CDAN1: variants seen among roughly 807,000 people sequenced by gnomAD.
CDAN1 encodes codanin-1.
In CDAN1, 107 loss-of-function variants were observed where a neutral mutation model predicts 139.8. The observed-to-expected ratio is 0.77, with a 90% CI of 0.65 to 0.90. The LOEUF is 0.90. Among genes scored for constraint, CDAN1 ranks in the 40% least tolerant of loss-of-function variants. The probability of loss-of-function intolerance (pLI) is 0.00; values close to 1 mark genes in which losing one functional copy is unlikely to be tolerated. For missense variants in CDAN1, 1,667 were observed against 1,575.7 expected (o/e 1.06, Z -0.98); for synonymous variants, 776 against 660.6 (o/e 1.17, Z -2.68).
chr15:42,730,212 G>C lies in CDAN1; in HGVS notation c.2178C>G (p.Ser726Arg). The C allele has an allele frequency of 6.2e-7, 1 of 1,613,906 alleles. No individual in the cohort carries two copies. The highest frequency in any genetic ancestry group is 8.5e-7 in the Non-Finnish European group (1 of 1,179,816). ...CCTCACTCTCCTGCGACAACACCAAGCTCCTGAAACATCAATGGGCAGTAC... is the reference window on the plus strand; with the variant it reads ...CCTCACTCTCCTGCGACAACACCAACCTCCTGAAACATCAATGGGCAGTAC... ...IFTLLLRLHR[S>R]LVLSQESEGK... is the part of the protein sequence containing the mutation. Residue 726 changes from serine (S) to arginine (R), a missense_variant, in exon 15 of 28, where the codon AGC becomes AGG. Physicochemically the swap from Ser to Arg is moderately radical, Grantham distance 110. Coordinates refer to ENST00000356231, the MANE Select transcript of CDAN1 (RefSeq NM_138477.4).
At position 42,727,938 on chromosome 15, in the gene CDAN1, C is replaced by A; in HGVS notation, c.2947+17G>T. 1 of 1,612,790 alleles carries A rather than the reference C, an allele frequency of 6.2e-7. No individual in the cohort carries two copies. Among genetic ancestry groups the A allele is most frequent in the Non-Finnish European group, 8.5e-7 (1 of 1,178,748 alleles). On this transcript the variant is annotated intron_variant, in intron 22 of 27. Coordinates refer to ENST00000356231, the MANE Select transcript of CDAN1 (RefSeq NM_138477.4). Reference sequence around the variant, plus strand: ...TTTAAACACTTGATTCAGCCACTCCCCCATCCAGGACCTTACCTGTGATGT... The same window carrying A: ...TTTAAACACTTGATTCAGCCACTCCACCATCCAGGACCTTACCTGTGATGT...
At position 42,733,801 on chromosome 15, in the gene CDAN1, G is replaced by A. The variant is rs896546421; in HGVS notation, c.1367+137C>T. 29 of 703,122 alleles carry A rather than the reference G, an allele frequency of 4.1e-5. No individual in the cohort carries two copies. In the African/African-American group the frequency reaches 4.4e-4, roughly 11 times the overall value. The allele number at this position is 703,122 out of a possible 1,614,324, so 43.6% of individuals were successfully genotyped here. On this transcript the variant is annotated intron_variant, in intron 8 of 27. Coordinates refer to ENST00000356231, the MANE Select transcript of CDAN1 (RefSeq NM_138477.4). ...AATGAAGCCAGGTGGTCCCTATGAT[G>A]GCCGGCAGGAAGGACCTGGGGGGAC...
chr15:42,733,007 GAAAA>G, intron 9 of CDAN1, 86 bp downstream of exon 9: 1 of 1,050,858 alleles, frequency 9.5e-7, no homozygotes, highest in Non-Finnish European at 1.4e-6. Flanking sequence ...TAGGAGCGGG[GAAAA>G]CCTTCCCTCC....
Position 42,726,388 on chromosome 15 carries a change from C to T in CDAN1, c.3126G>A (p.Arg1042=). The change falls in exon 24 of 28, where the codon CGG becomes CGA. Residue 1042 remains arginine (R), a synonymous_variant. Coordinates refer to ENST00000356231, the MANE Select transcript of CDAN1 (RefSeq NM_138477.4). ...CTGGGGAGACTCCCTCGTCAGGGTC[C>T]CGTGGCCCCACGGCCAAGGAGAGCA... is the stretch of plus-strand genomic sequence containing the variant. ...KDVLSLAVGP[R]DPDEGVSPEH... is the part of the protein sequence containing the mutation. The T allele has an allele frequency of 6.3e-7, 1 of 1,598,948 alleles. No individual in the cohort carries two copies. The highest frequency in any genetic ancestry group is 8.5e-7 in the Non-Finnish European group (1 of 1,172,950).
Position 42,733,171 on chromosome 15 carries a change from CTCATAAA to C in CDAN1, c.1376_1382del (p.Phe459TrpfsTer28), listed in dbSNP as rs771451676. ...GGTGATCTTCCCACTCTCGCAGCAC[CTCATAAA>C]ACACATCCCTGACGCATAAGAACGC... On this transcript the variant is annotated frameshift_variant, in exon 9 of 28. Transcript: ENST00000356231. LOFTEE classifies it high-confidence loss of function. 1.7e-5 allele frequency: 28 copies of C among 1,614,004 alleles called. No homozygotes were observed. The highest frequency in any genetic ancestry group is 2.4e-5 in the Non-Finnish European group (28 of 1,179,998).
intron 6 of CDAN1, 23 bp from the exon 7 acceptor site, chr15:42,734,369 G>A (rs770488180): frequency 2.5e-6 from 4 of 1,613,652 alleles, no homozygotes; most frequent in Non-Finnish European, 3.4e-6. Flanking sequence ...GAGCACCTAT[G>A]ACTGAGACCA....
chr15:42,729,407 C>T (rs1362723106), intron 17 of CDAN1, 45 bp from the exon 18 acceptor site: 3 of 1,613,012 alleles, frequency 1.9e-6, no homozygotes, highest in Admixed American at 1.7e-5. Flanking sequence ...ACCCTCTCCC[C>T]TCCCTAAGTA....
chr15:42,737,017 G>A lies in CDAN1; in HGVS notation c.86C>T (p.Ser29Leu). Residue 29 changes from serine to leucine, a missense_variant, in exon 1 of 28, where the codon TCG (serine) becomes TTG (leucine). By Grantham distance (145) the Ser-to-Leu change is moderately radical. Around this residue, in one of 3 missense-constraint regions of CDAN1, gnomAD observed 487 missense variants for 422.2 expected, o/e 1.15. Coordinates refer to ENST00000356231, the MANE Select transcript of CDAN1 (RefSeq NM_138477.4). Reference sequence around the variant, plus strand: ...GGGGCGTGTCACCGCTGTTACCTCCGAACCCTGGGTGCTGCGCGCGATCCA... The same window carrying A: ...GGGGCGTGTCACCGCTGTTACCTCCAAACCCTGGGTGCTGCGCGCGATCCA... ...VRWIARSTQG[S>L]EDNAGEAAAL... 1.3e-6 allele frequency: 2 copies of A among 1,545,106 alleles called. No homozygotes were observed. Among genetic ancestry groups the A allele is most frequent in the Non-Finnish European group, 8.7e-7 (1 of 1,143,682 alleles).
rs1007370726 is a variant in CDAN1, at chr15:42,724,370, TCTGA to T, written c.*117_*120del. 5 of 1,339,688 alleles carry T rather than the reference TCTGA, an allele frequency of 3.7e-6. No homozygotes were observed. Among genetic ancestry groups the T allele is most frequent in the African/African-American group, 1.4e-5 (1 of 69,188 alleles). 83.0% of individuals were successfully genotyped at this position (1,339,688 alleles called of 1,614,324 possible). ...GCAGTGACACCCTTAGAGCAGGAAG[TCTGA>T]CTGTAGACCCAGCTACACCCCAACC... is the stretch of plus-strand genomic sequence containing the variant. On this transcript the variant is annotated 3_prime_UTR_variant, in exon 28 of 28. Transcript: ENST00000356231.
chr15:42,725,435 G>GTGGTGGA, intron 26 of CDAN1, 54 bp downstream of exon 26: 1 of 1,603,222 alleles, frequency 6.2e-7, no homozygotes, highest in Non-Finnish European at 8.5e-7. Context: ...TGGGGCAAGG[G>GTGGTGGA]TGGTGGATGT....
At position 42,726,148 on chromosome 15, in the gene CDAN1, G is replaced by A. The variant is rs776881666; in HGVS notation, c.3217C>T (p.Pro1073Ser). ...CACTTTGCCAGATGCTGCTCAGCAGGTGGGCACAGGAACTGCGGTTGGGGT... is the reference window on the plus strand; with the variant it reads ...CACTTTGCCAGATGCTGCTCAGCAGATGGGCACAGGAACTGCGGTTGGGGT... The part of the protein sequence containing the change: ...TLRCRQFLCP[P>S]AEQHLAKCSV... The change falls in exon 25 of 28, where the codon CCT (proline) becomes TCT (serine). Residue 1073 changes from proline (P) to serine (S), a missense_variant. By Grantham distance (74) the Pro-to-Ser change is moderately conservative. This residue lies in a region of CDAN1 where 936 missense variants were observed against 844.1 expected (regional missense o/e 1.11). Coordinates refer to ENST00000356231, the MANE Select transcript of CDAN1 (RefSeq NM_138477.4). The A allele has an allele frequency of 7.3e-5, 118 of 1,614,080 alleles. No homozygotes were observed. The highest frequency in any genetic ancestry group is 9.7e-5 in the Non-Finnish European group (114 of 1,180,038).
At position 42,736,635 on chromosome 15, in the gene CDAN1, G is replaced by A. The variant is rs754491840; in HGVS notation, c.236C>T (p.Ser79Leu). ...TCCCGGCCTCCCTGGCAAGGCTGCC[G>A]AGGCGCCCGGGGTCTTGGCGGGGGT... ...PPTPAKTPGA[S>L]AALPGRPGGP... Residue 79 changes from serine to leucine, a missense_variant, in exon 2 of 28, where the codon TCG becomes TTG. Physicochemically the swap from Ser to Leu is moderately radical, Grantham distance 145. Coordinates refer to ENST00000356231, the MANE Select transcript of CDAN1 (RefSeq NM_138477.4). The A allele has an allele frequency of 1.3e-6, 2 of 1,516,140 alleles. No individual in the cohort carries two copies. Among genetic ancestry groups the A allele is most frequent in the Admixed American group, 2.1e-5 (1 of 47,126 alleles). 93.9% of individuals were successfully genotyped at this position (1,516,140 alleles called of 1,614,324 possible).
At chr15:42,735,412 C>A in intron 4 of CDAN1, 38 bp from the exon 5 acceptor site, 1 of 1,589,112 alleles carries the variant, frequency 6.3e-7, no homozygotes, top group Non-Finnish European at 8.6e-7. Flanking sequence ...GGTATGGGCA[C>A]CATTTGGAGC....
Position 42,730,968 on chromosome 15 carries a change from G to C in CDAN1, c.1964C>G (p.Pro655Arg). 23 of 1,614,160 alleles carry C rather than the reference G, an allele frequency of 1.4e-5. No individual in the cohort carries two copies. The highest frequency in any genetic ancestry group is 1.9e-5 in the Non-Finnish European group (23 of 1,180,018). The part of the protein sequence containing the change: ...FLPYRGPEPP[P>R]TGELQDSILA... Reference sequence around the variant, plus strand: ...AATGGAGTCCTGAAGCTCACCGGTCGGGGGAGGTTCAGGCCCCCGGTATGG... The same window carrying C: ...AATGGAGTCCTGAAGCTCACCGGTCCGGGGAGGTTCAGGCCCCCGGTATGG... Residue 655 changes from proline (P) to arginine (R), a missense_variant, in exon 13 of 28, where the codon CCG becomes CGG. By Grantham distance (103) the Pro-to-Arg change is moderately radical (BLOSUM62 -2). Coordinates refer to ENST00000356231, the MANE Select transcript of CDAN1 (RefSeq NM_138477.4).
chr15:42,728,389 G>GGGC, intron 20 of CDAN1, 122 bp from the exon 21 acceptor site: 1 of 1,077,144 alleles, frequency 9.3e-7, no homozygotes, highest in Non-Finnish European at 1.4e-6. Context: ...GGCACCGTTT[G>GGGC]CCCTCCCGCC....
chr15:42,735,898 C>T lies in CDAN1; in HGVS notation c.750G>A (p.Glu250=). The change falls in exon 3 of 28, where the codon GAG becomes GAA. Residue 250 remains glutamate (E), a synonymous_variant. Transcript: ENST00000356231. The part of the protein sequence containing the change: ...LPPGCRSLQE[E]REMLRKERSK... Reference sequence around the variant, plus strand: ...ACCGCTCCTTCCTGAGCATCTCTCGCTCCTCTTGCAGACTTCTGCACCCTG... The same window carrying T: ...ACCGCTCCTTCCTGAGCATCTCTCGTTCCTCTTGCAGACTTCTGCACCCTG... 1 of 1,614,194 alleles carries T rather than the reference C, an allele frequency of 6.2e-7. No homozygotes were observed. Among genetic ancestry groups the T allele is most frequent in the Non-Finnish European group, 8.5e-7 (1 of 1,180,036 alleles).
In CDAN1 at chr15:42,736,653, G is replaced by A. The variant is rs529640896; in HGVS notation, c.218C>T (p.Ala73Val). The change falls in exon 2 of 28, where the codon GCC (alanine) becomes GTC (valine). Residue 73 changes from alanine (A) to valine (V), a missense_variant. This residue lies in a region of CDAN1 where 487 missense variants were observed against 422.2 expected (regional missense o/e 1.15). Transcript: ENST00000356231. ...RVLPQGPPTPAKTPGASAALP... is the reference protein window; with the variant it reads ...RVLPQGPPTPVKTPGASAALP... ...GGCTGCCGAGGCGCCCGGGGTCTTG[G>A]CGGGGGTCGGGGGCCCCTGCGGGAG... 2.7e-5 allele frequency: 41 copies of A among 1,532,634 alleles called. No individual in the cohort carries two copies. The African/African-American group carries it at 4.4e-4, about 16-fold the overall frequency. The allele number at this position is 1,532,634 out of a possible 1,614,324, so 94.9% of individuals were successfully genotyped here.
In CDAN1 at chr15:42,729,568, C is replaced by A; in HGVS notation, c.2407G>T (p.Gly803Ter). 1 of 1,614,124 alleles carries A rather than the reference C, an allele frequency of 6.2e-7. No individual in the cohort carries two copies. Among genetic ancestry groups the A allele is most frequent in the Non-Finnish European group, 8.5e-7 (1 of 1,180,020 alleles). ...CCGTCCAGGGAAGACCGGTGCTCACCGATGTAGGGGCAGCAGGTGTAGAGC... is the reference window on the plus strand; with the variant it reads ...CCGTCCAGGGAAGACCGGTGCTCACAGATGTAGGGGCAGCAGGTGTAGAGC... ...QLLYTCCPYIGELRKLLASWV... is the reference protein window; with the variant it reads ...QLLYTCCPYI The change falls in exon 17 of 28, where the codon GGA (glycine) becomes TGA (stop). Residue 803 changes from glycine to a stop codon, truncating the protein, a stop_gained and splice_region_variant. Coordinates refer to ENST00000356231, the MANE Select transcript of CDAN1 (RefSeq NM_138477.4). LOFTEE classifies it high-confidence loss of function.
chr15:42,729,917 C>T, intron 15 of CDAN1, 32 bp from the exon 16 acceptor site: 3 of 1,561,394 alleles, frequency 1.9e-6, no homozygotes, highest in Non-Finnish European at 2.6e-6. Context: ...AGGTCAACTT[C>T]AGAGACCCCC....
Sources: gnomAD v4.1 joint callset for allele counts on GRCh38, gnomAD v4.1.1 for gene constraint, gnomAD v4.1.1 regional missense constraint, MANE v1.5 for transcripts, NCBI Gene and HGNC (gene_info 2026-07-23, HGNC 2026-07-21) for gene names.